ADARB2: variants seen among roughly 807,000 people sequenced by gnomAD.
The protein encoded by ADARB2 is adenosine deaminase RNA specific B2 (inactive).
A neutral mutation model predicts 62.2 loss-of-function variants in ADARB2; 25 were observed. That is an observed-to-expected ratio of 0.40 (90% confidence interval 0.29 to 0.56). The LOEUF (loss-of-function observed/expected upper bound fraction) is 0.56, where lower values mean the gene tolerates loss of function less well. Among genes scored for constraint, ADARB2 ranks in the 20% least tolerant of loss-of-function variants. ADARB2 has a pLI of 0.43. For missense variants in ADARB2, 1,071 were observed against 1,077.4 expected, an observed-to-expected ratio of 0.99 and a Z score of 0.08; for synonymous variants, 572 against 500.8, an observed-to-expected ratio of 1.14 and a Z score of -1.90.
At chr10:1,228,764 G>A (rs78558553) in intron 6 of ADARB2, among the ~76,000 whole-genome samples, 4,808 of 152,282 alleles carry the variant, frequency 0.032, 263 homozygotes, top group African/African-American at 0.11. Flanking sequence ...TTTCATTCCT[G>A]CCTGTGATGC....
chr10:1,654,477 G>A (rs1429250321), intron 1 of ADARB2, among the ~76,000 whole-genome samples: 7 of 151,982 alleles, frequency 4.6e-5, no homozygotes, highest in African/African-American at 1.5e-4. Context: ...ATCCCCTTCC[G>A]GCGTGGTGGT....
intron 1 of ADARB2, among the ~76,000 whole-genome samples, chr10:1,592,261 G>T (rs541323978): frequency 4.6e-5 from 7 of 151,084 alleles, no homozygotes; most frequent in African/African-American, 9.8e-5. Context: ...AGCTCCCCTG[G>T]CCCAAGCCAC....
chr10:1,404,989 G>A (rs551732554), intron 1 of ADARB2, among the ~76,000 whole-genome samples: 2 of 152,280 alleles, frequency 1.3e-5, no homozygotes, highest in African/African-American at 2.4e-5. Flanking sequence ...ATCTCAGGTC[G>A]ATGCCTCCTA....
intron 3 of ADARB2, among the ~76,000 whole-genome samples, chr10:1,336,357 G>A (rs1434224129): frequency 6.6e-6 from 1 of 152,062 alleles, no homozygotes; most frequent in African/African-American, 2.4e-5. Flanking sequence ...GTTTATCTTT[G>A]TTTCCTCAGT....
intron 1 of ADARB2, among the ~76,000 whole-genome samples, chr10:1,516,870 G>T (rs1157687137): frequency 6.6e-6 from 1 of 152,184 alleles, no homozygotes; most frequent in Non-Finnish European, 1.5e-5. Context: ...ATGGAAGTTG[G>T]CTGGGTAGTT....
intron 1 of ADARB2, among the ~76,000 whole-genome samples, chr10:1,455,704 G>T (rs1225104316): frequency 6.6e-6 from 1 of 152,056 alleles, no homozygotes; most frequent in Non-Finnish European, 1.5e-5. Context: ...AGCCATTTAC[G>T]ATTGTCAATT....
intron 3 of ADARB2, among the ~76,000 whole-genome samples, chr10:1,350,045 T>G (rs528777776): frequency 1.3e-5 from 2 of 152,242 alleles, no homozygotes; most frequent in African/African-American, 4.8e-5. Flanking sequence ...ACTTAAAACC[T>G]CTTCAACTCT....
chr10:1,394,631 G>T (rs1336508715), intron 1 of ADARB2, among the ~76,000 whole-genome samples: 1 of 152,214 alleles, frequency 6.6e-6, no homozygotes, highest in East Asian at 1.9e-4. Context: ...GTGCTGGGGG[G>T]TCAAAGGTGG....
intron 3 of ADARB2, among the ~76,000 whole-genome samples, chr10:1,337,621 C>G (rs186711543): frequency 0.01 from 1,530 of 151,978 alleles, 16 homozygotes; most frequent in African/African-American, 0.025. Context: ...GGTTACCCAT[C>G]CCTCCCACCG....
intron 1 of ADARB2, among the ~76,000 whole-genome samples, chr10:1,538,971 T>A (rs1564322325): frequency 6.6e-6 from 1 of 152,144 alleles, no homozygotes; most frequent in Non-Finnish European, 1.5e-5. Flanking sequence ...GCAGGCGTCA[T>A]TCTCACGACA....
chr10:1,370,288 TG>T (rs1832357191), intron 2 of ADARB2, among the ~76,000 whole-genome samples: 2 of 152,156 alleles, frequency 1.3e-5, no homozygotes, highest in Non-Finnish European at 2.9e-5. Flanking sequence ...AACTAGGCAT[TG>T]TAGACACATA....
intron 2 of ADARB2, among the ~76,000 whole-genome samples, chr10:1,368,319 T>C (rs1329544155): frequency 6.6e-6 from 1 of 151,828 alleles, no homozygotes; most frequent in African/African-American, 2.4e-5. Flanking sequence ...TGAGTGAGAG[T>C]CGGCCGTGAG....
At chr10:1,317,742 G>A (rs1410961425) in intron 3 of ADARB2, among the ~76,000 whole-genome samples, 10 of 145,496 alleles carry the variant, frequency 6.9e-5, no homozygotes, top group Admixed American at 6.1e-4. Flanking sequence ...GGCACAGGCA[G>A]GGGTAGGCCT....
Position 1,363,491 on chromosome 10 carries a change from C to G in ADARB2, c.614G>C (p.Gly205Ala). Residue 205 changes from glycine to alanine, a missense_variant, in exon 3 of 10, where the codon GGC (glycine) becomes GCC (alanine). Physicochemically the swap from Gly to Ala is moderately conservative, Grantham distance 60. Coordinates refer to ENST00000381312, the MANE Select transcript of ADARB2 (RefSeq NM_018702.4). ...ACQAHLAMGGGPGPGTDFTSD... is the reference protein window; with the variant it reads ...ACQAHLAMGGAPGPGTDFTSD... The stretch of plus-strand genomic sequence containing the variant: ...GGTGAAGTCCGTGCCGGGGCCCGGG[C>G]CCCCGCCCATGGCCAGGTGCGCCTG... 6.6e-7 allele frequency: 1 copy of G among 1,511,338 alleles called. No homozygotes were observed. Among genetic ancestry groups the G allele is most frequent in the Non-Finnish European group, 8.8e-7 (1 of 1,134,264 alleles). The allele number at this position is 1,511,338 out of a possible 1,614,324, so 93.6% of individuals were successfully genotyped here. A position where few individuals can be genotyped will look rare whatever the true frequency, so the allele number is the denominator to read the frequency against.
intron 1 of ADARB2, among the ~76,000 whole-genome samples, chr10:1,569,038 CAG>C (rs1832898970): frequency 6.6e-6 from 1 of 150,902 alleles, no homozygotes; most frequent in South Asian, 2.1e-4. Flanking sequence ...CAGAGCGGGA[CAG>C]AGATAGAGAG....
In ADARB2 at chr10:1,373,693, C is replaced by T. The variant is rs187686750; in HGVS notation, c.187+5381G>A. ...CCTGGGAGACAGCACAGCTCCCCTG[C>T]CCTCTTGCCCTCACTGGGGCTCACA... On this transcript the variant is annotated intron_variant, in intron 2 of 9. Coordinates refer to ENST00000381312, the MANE Select transcript of ADARB2 (RefSeq NM_018702.4). Among the ~76,000 whole-genome samples, 23 of 152,318 alleles carry T rather than the reference C, an allele frequency of 1.5e-4. No individual in the cohort carries two copies. The East Asian group carries it at 4.2e-3, about 28-fold the overall frequency.
At chr10:1,519,403 T>C (rs1051986060) in intron 1 of ADARB2, among the ~76,000 whole-genome samples, 13 of 152,334 alleles carry the variant, frequency 8.5e-5, no homozygotes, top group African/African-American at 3.1e-4. Flanking sequence ...GTCATATGCA[T>C]GCGTTTGTGT....
chr10:1,591,953 C>G (rs968575016), intron 1 of ADARB2, among the ~76,000 whole-genome samples: 4 of 152,218 alleles, frequency 2.6e-5, no homozygotes, highest in African/African-American at 9.6e-5. Context: ...TTCACCTCAC[C>G]CACCAGCCTG....
At chr10:1,671,193 C>T (rs1411811625) in intron 1 of ADARB2, among the ~76,000 whole-genome samples, 2 of 152,178 alleles carry the variant, frequency 1.3e-5, no homozygotes, top group African/African-American at 4.8e-5. Flanking sequence ...TGCTGGGCGC[C>T]GGCAAGCCAC....
Sources: allele counts gnomAD v4.1 joint callset (sites outside exome capture counted in the v4.1 genomes callset), GRCh38; gene constraint gnomAD v4.1.1; transcripts MANE v1.5; gene names NCBI Gene and HGNC (gene_info 2026-07-23, HGNC 2026-07-21).